The following ASAH1 variants were observed in gnomAD, a reference collection of about 807,000 sequenced individuals.
ASAH1 encodes acid ceramidase.
Under a neutral mutation model 59.5 loss-of-function variants are expected in ASAH1, and 70 were observed. The ratio of observed to expected loss-of-function variants is 1.18; its 90% CI spans 0.97 to 1.43. ASAH1 has a LOEUF of 1.43. Among genes scored for constraint, ASAH1 ranks in the 40% most tolerant of loss-of-function variants. The pLI, the probability that ASAH1 is intolerant of heterozygous loss-of-function variation, is 0.00. For synonymous variants in ASAH1, 213 were observed against 166.5 expected (o/e 1.28, Z -2.15); for missense variants, 660 against 482.5 (o/e 1.37, Z -3.45).
upstream of ASAH1, chr8:18,084,364 C>G (rs1035360739): frequency 7.1e-7 from 1 of 1,407,266 alleles, no homozygotes; most frequent in African/African-American, 1.4e-5. Context: ...AATAGTCGGA[C>G]CGAGCCGGAG....
chr8:18,080,442 G>A (rs1186095163), intron 1 of ASAH1, among the ~76,000 whole-genome samples: 5 of 152,136 alleles, frequency 3.3e-5, no homozygotes, highest in African/African-American at 1.2e-4. Context: ...CAGTCGAGGT[G>A]ACCAATGACC....
intron 12 of ASAH1, 47 bp from the exon 13 acceptor site, chr8:18,058,938 C>G (rs1799577871): frequency 2.6e-6 from 4 of 1,530,878 alleles, no homozygotes; most frequent in Non-Finnish European, 3.6e-6. Flanking sequence ...AATACAGAAG[C>G]CAACAGCCTT....
At chr8:18,072,325 C>G (rs545342419) in intron 2 of ASAH1, among the ~76,000 whole-genome samples, 1 of 152,170 alleles carries the variant, frequency 6.6e-6, no homozygotes, top group African/African-American at 2.4e-5. Flanking sequence ...GTTATCTAGA[C>G]TTATGTCCAT....
chr8:18,061,911 C>G (rs1799718110), intron 8 of ASAH1, 171 bp from the exon 9 acceptor site: 1 of 720,912 alleles, frequency 1.4e-6, no homozygotes, highest in South Asian at 1.6e-5. Context: ...ATTTTTGATT[C>G]TAGTATGTGA....
In ASAH1 at chr8:18,061,022, G is replaced by A. The variant is rs1161923058; in HGVS notation, c.785+355C>T. ...TCTATCTCAGCCACCCAAAGCGTGA[G>A]GATTACAGGCATAAGCCACTGTGCC... On this transcript the variant is annotated intron_variant, in intron 10 of 13. Transcript: ENST00000637790. The A allele has an allele frequency of 1.3e-5, 3 of 227,148 alleles. No homozygotes were observed. The East Asian group carries it at 3.5e-4, about 26-fold the overall frequency. The allele number at this position is 227,148 out of a possible 1,614,324, so 14.1% of individuals were successfully genotyped here.
intron 8 of ASAH1, 184 bp from the exon 9 acceptor site, chr8:18,061,924 T>C: frequency 1.5e-6 from 1 of 683,038 alleles, no homozygotes. Context: ...GTATGTGAGA[T>C]AAGTAGGTGG....
At chr8:18,081,935 G>A (rs919688281) in intron 1 of ASAH1, among the ~76,000 whole-genome samples, 2 of 152,162 alleles carry the variant, frequency 1.3e-5, no homozygotes, top group Non-Finnish European at 2.9e-5. Context: ...CCTTGGCACA[G>A]GAGGGTCCAA....
Position 18,057,589 on chromosome 8 carries a change from T to C in ASAH1, c.1133A>G (p.Lys378Arg). Residue 378 changes from lysine (K) to arginine (R), a missense_variant, in exon 14 of 14, where the codon AAA (lysine) becomes AGA (arginine). Coordinates refer to ENST00000637790, the MANE Select transcript of ASAH1 (RefSeq NM_177924.5). ...TVYTTLIDVTKGQFETYLRDC... is the reference protein window; with the variant it reads ...TVYTTLIDVTRGQFETYLRDC... ...CCGCAGGTAAGTTTCGAATTGACCT[T>C]TGGTAACATCTATCAAGGTTGTGTA... 6.2e-7 allele frequency: 1 copy of C among 1,604,788 alleles called. No individual in the cohort carries two copies. Among genetic ancestry groups the C allele is most frequent in the Non-Finnish European group, 8.5e-7 (1 of 1,173,928 alleles).
Position 18,069,850 on chromosome 8 carries a change from T to G in ASAH1, c.245A>C (p.Asn82Thr). 3 of 1,591,716 alleles carry G rather than the reference T, an allele frequency of 1.9e-6. No homozygotes were observed. Among genetic ancestry groups the G allele is most frequent in the Non-Finnish European group, 2.6e-6 (3 of 1,161,864 alleles). Reference protein sequence around the residue: ...VLKVIVNSLKNMINTFVPSGK... With the variant: ...VLKVIVNSLKTMINTFVPSGK... ...ACTTGGCACGAATGTATTTATCATA[T>G]TCTTCAGAGAATTCACTATAACCTT... The change falls in exon 4 of 14, where the codon AAT becomes ACT. Residue 82 changes from asparagine to threonine, a missense_variant. Asn to Thr is a moderately conservative substitution (Grantham distance 65). Transcript: ENST00000637790.
chr8:18,063,131 A>G (rs911207824), intron 7 of ASAH1, 54 bp downstream of exon 7: 14 of 1,564,404 alleles, frequency 8.9e-6, no homozygotes, highest in East Asian at 2.2e-5. Flanking sequence ...GCCTCCCAAA[A>G]AGCTGGGATT....
In ASAH1 at chr8:18,084,054, G is replaced by A. The variant is rs757302859; in HGVS notation, c.5C>T (p.Pro2Leu). The A allele has an allele frequency of 1.7e-5, 27 of 1,598,586 alleles. No homozygotes were observed. The African/African-American group carries it at 1.9e-4, about 11-fold the overall frequency. The change falls in exon 1 of 14, where the codon CCG (proline) becomes CTG (leucine). Residue 2 changes from proline to leucine, a missense_variant. Physicochemically the swap from Pro to Leu is moderately conservative, Grantham distance 98. Coordinates refer to ENST00000637790, the MANE Select transcript of ASAH1 (RefSeq NM_177924.5). ...GACTAAGGCGACGCAACTCCGGCCC[G>A]GCATCGCTCTAGCAGCCAACGCCAC... Reference protein sequence around the residue: MPGRSCVALVLL... With the variant: MLGRSCVALVLL...
intron 1 of ASAH1, among the ~76,000 whole-genome samples, chr8:18,081,855 T>C (rs1029455317): frequency 2.0e-5 from 3 of 152,216 alleles, no homozygotes; most frequent in African/African-American, 7.2e-5. Context: ...TAAACTTCTG[T>C]AAGGTTCTAA....
intron 10 of ASAH1, 102 bp from the exon 11 acceptor site, chr8:18,059,805 C>T (rs1799619006): frequency 2.4e-6 from 3 of 1,226,880 alleles, no homozygotes; most frequent in East Asian, 2.6e-5. Context: ...GACACATGTG[C>T]TGAACGTGCA....
intron 5 of ASAH1, 176 bp downstream of exon 5, chr8:18,067,044 G>A (rs1480682296): frequency 8.6e-6 from 3 of 350,012 alleles, no homozygotes; most frequent in Non-Finnish European, 1.6e-5. Flanking sequence ...TCTGAGTCAT[G>A]GCTACATGCA....
chr8:18,066,658 A>G (rs1403859959), intron 5 of ASAH1: 1 of 152,288 alleles, frequency 6.6e-6, no homozygotes, highest in Admixed American at 6.5e-5. Flanking sequence ...ACTTTGGAAA[A>G]CTGTTTGGCA....
chr8:18,058,185 C>A (rs1384470517), intron 13 of ASAH1: 1 of 153,422 alleles, frequency 6.5e-6, no homozygotes, highest in African/African-American at 2.4e-5. Context: ...TGGCAGGGCC[C>A]GTGAACTGAA....
At chr8:18,075,130 G>A (rs1031538598) in intron 2 of ASAH1, among the ~76,000 whole-genome samples, 4 of 151,186 alleles carry the variant, frequency 2.6e-5, no homozygotes, top group Non-Finnish European at 4.4e-5. Flanking sequence ...AGAGTAGCTG[G>A]GACTACAGGC....
rs147027727 is a variant in ASAH1, at chr8:18,062,532, C to T, written c.504-109G>A. ...AGGAGCTTTATTTACCGAGTCACCA[C>T]GATCAATCCTAACAAGACCTTTACA... On this transcript the variant is annotated intron_variant, in intron 7 of 13. Coordinates refer to ENST00000637790, the MANE Select transcript of ASAH1 (RefSeq NM_177924.5). The T allele has an allele frequency of 9.5e-5, 114 of 1,200,372 alleles. No individual in the cohort carries two copies. The East Asian group carries it at 2.0e-3, about 21-fold the overall frequency. 74.4% of individuals were successfully genotyped at this position (1,200,372 alleles called of 1,614,324 possible).
At chr8:18,071,889 G>A (rs1317985123) in intron 2 of ASAH1, among the ~76,000 whole-genome samples, 1 of 152,092 alleles carries the variant, frequency 6.6e-6, no homozygotes, top group Non-Finnish European at 1.5e-5. Context: ...ATCTTCCCAC[G>A]ATCAGCTTCA....
Sources: allele counts gnomAD v4.1 joint callset (sites outside exome capture counted in the v4.1 genomes callset), GRCh38; gene constraint gnomAD v4.1.1; transcripts MANE v1.5; gene names NCBI Gene and HGNC (gene_info 2026-07-23, HGNC 2026-07-21).